Variants in ATG5 observed in about 807,000 individuals in gnomAD.
The protein encoded by ATG5 is autophagy protein 5.
In ATG5, 14 loss-of-function variants were observed where a neutral mutation model predicts 36.5. The ratio of observed to expected loss-of-function variants is 0.38; its 90% confidence interval spans 0.25 to 0.60. ATG5 has a LOEUF of 0.60. Among genes scored for constraint, ATG5 ranks in the 20% least tolerant of loss-of-function variants. The probability of loss-of-function intolerance (pLI) is 0.60; values close to 1 mark genes in which losing one functional copy is unlikely to be tolerated. For missense variants in ATG5, 195 were observed against 326.7 expected, an observed-to-expected ratio of 0.60 and a Z score of 3.11; for synonymous variants, 95 against 101.5, an observed-to-expected ratio of 0.94 and a Z score of 0.38.
At chr6:106,193,592 C>A (rs1776055916) in intron 7 of ATG5, among the ~76,000 whole-genome samples, 1 of 152,028 alleles carries the variant, frequency 6.6e-6, no homozygotes, top group Non-Finnish European at 1.5e-5. Context: ...AGCTTCCTGA[C>A]AATAAGATAA....
intron 5 of ATG5, among the ~76,000 whole-genome samples, chr6:106,264,254 G>T (rs535564957): frequency 6.6e-6 from 1 of 152,058 alleles, no homozygotes; most frequent in Admixed American, 6.5e-5. Context: ...AGAGATTGAA[G>T]ATCAACTTAC....
chr6:106,199,361 T>C (rs1332750425), intron 7 of ATG5, among the ~76,000 whole-genome samples: 1 of 152,206 alleles, frequency 6.6e-6, no homozygotes, highest in Non-Finnish European at 1.5e-5. Flanking sequence ...ATGTGATGTA[T>C]CTACCCAATG....
At chr6:106,248,660 G>A (rs1329718782) in intron 5 of ATG5, among the ~76,000 whole-genome samples, 1 of 152,194 alleles carries the variant, frequency 6.6e-6, no homozygotes, top group East Asian at 1.9e-4. Context: ...AAGTCGCAGG[G>A]TGCAGTGGCC....
intron 6 of ATG5, among the ~76,000 whole-genome samples, chr6:106,240,418 C>G (rs1053010333): frequency 6.7e-6 from 1 of 149,836 alleles, no homozygotes; most frequent in African/African-American, 2.4e-5. Flanking sequence ...AAAAGATAGG[C>G]AAAACAAAAT....
chr6:106,252,146 A>T (rs1391757135), intron 5 of ATG5, among the ~76,000 whole-genome samples: 1 of 152,188 alleles, frequency 6.6e-6, no homozygotes, highest in African/African-American at 2.4e-5. Context: ...AGCCAAACAA[A>T]ACAAAGACTA....
At chr6:106,188,545 G>A (rs989699940) in intron 7 of ATG5, among the ~76,000 whole-genome samples, 11 of 152,118 alleles carry the variant, frequency 7.2e-5, no homozygotes, top group Admixed American at 3.3e-4. Flanking sequence ...AATACAATAT[G>A]GTAAACAATC....
At chr6:106,241,856 G>A (rs1294432796) in intron 6 of ATG5, among the ~76,000 whole-genome samples, 2 of 152,032 alleles carry the variant, frequency 1.3e-5, no homozygotes, top group African/African-American at 4.8e-5. Context: ...GTAGGCTGCA[G>A]ACTCAAGGAA....
intron 6 of ATG5, among the ~76,000 whole-genome samples, chr6:106,244,728 C>T (rs569082404): frequency 3.3e-5 from 5 of 152,170 alleles, no homozygotes; most frequent in Non-Finnish European, 5.9e-5. Flanking sequence ...CACATAATAT[C>T]GATCATCAGT....
chr6:106,276,923 T>G (rs765911598), intron 5 of ATG5, among the ~76,000 whole-genome samples: 8 of 152,148 alleles, frequency 5.3e-5, no homozygotes, highest in Non-Finnish European at 1.0e-4. Context: ...AACTCAGTAA[T>G]AAAAATGTGG....
At chr6:106,192,975 T>C (rs537777818) in intron 7 of ATG5, among the ~76,000 whole-genome samples, 4 of 152,270 alleles carry the variant, frequency 2.6e-5, no homozygotes, top group Non-Finnish European at 4.4e-5. Context: ...ACGGAGGTAA[T>C]AGTCAGCGAG....
intron 7 of ATG5, among the ~76,000 whole-genome samples, chr6:106,194,508 ATG>A (rs1264501391): frequency 6.6e-6 from 1 of 152,008 alleles, no homozygotes; most frequent in African/African-American, 2.4e-5. Context: ...GGAGAAAAAA[ATG>A]TGAATATACC....
intron 7 of ATG5, among the ~76,000 whole-genome samples, chr6:106,193,713 T>C (rs1776061881): frequency 6.6e-6 from 1 of 152,216 alleles, no homozygotes; most frequent in Admixed American, 6.5e-5. Flanking sequence ...TAATTCTAGT[T>C]GGGTGTAATA....
At chr6:106,236,485 T>TA (rs1437846533) in intron 6 of ATG5, among the ~76,000 whole-genome samples, 5 of 152,232 alleles carry the variant, frequency 3.3e-5, no homozygotes, top group African/African-American at 1.2e-4. Context: ...ACAGCCTTTT[T>TA]ACTACTTTGT....
chr6:106,258,773 A>G (rs1778898443), intron 5 of ATG5, among the ~76,000 whole-genome samples: 1 of 152,234 alleles, frequency 6.6e-6, no homozygotes, highest in Non-Finnish European at 1.5e-5. Context: ...CTGGGAAACT[A>G]TTAATGAATG....
At chr6:106,250,861 A>G (rs1385388367) in intron 5 of ATG5, among the ~76,000 whole-genome samples, 1 of 152,242 alleles carries the variant, frequency 6.6e-6, no homozygotes, top group Non-Finnish European at 1.5e-5. Context: ...TTCACCCTTC[A>G]ATATATGCAT....
At chr6:106,319,744 A>G (rs1198399224) in intron 1 of ATG5, among the ~76,000 whole-genome samples, 1 of 152,210 alleles carries the variant, frequency 6.6e-6, no homozygotes, top group Non-Finnish European at 1.5e-5. Flanking sequence ...GCAGACTGTA[A>G]TAGATTCCGT....
In ATG5 at chr6:106,278,727, T is replaced by C. The variant is rs192214620; in HGVS notation, c.478+934A>G. Reference sequence around the variant, plus strand: ...CCAATTCCCTTTTTTCAATTATCCATTTTTATAAAATGTTACATGGGCTTA... The same window carrying C: ...CCAATTCCCTTTTTTCAATTATCCACTTTTATAAAATGTTACATGGGCTTA... On this transcript the variant is annotated intron_variant, in intron 5 of 7. Transcript: ENST00000369076. 3.0e-3 allele frequency among the ~76,000 whole-genome samples: 457 copies of C among 152,334 alleles called. 1 individual carries two copies. The highest frequency in any genetic ancestry group is 4.9e-3 in the Non-Finnish European group (330 of 68,038).
chr6:106,275,881 T>C (rs1037517563), intron 5 of ATG5, among the ~76,000 whole-genome samples: 2 of 152,204 alleles, frequency 1.3e-5, no homozygotes, highest in African/African-American at 2.4e-5. Flanking sequence ...GTGGGCCACA[T>C]AGTCTCCTCA....
At chr6:106,281,842 T>C (rs1392959392) in intron 4 of ATG5, among the ~76,000 whole-genome samples, 2 of 152,206 alleles carry the variant, frequency 1.3e-5, no homozygotes, top group African/African-American at 4.8e-5. Context: ...CTTGCTACTG[T>C]CAATCTTTTT....
Sources: gnomAD v4.1 joint callset for allele counts (sites outside exome capture counted in the v4.1 genomes callset) on GRCh38, gnomAD v4.1.1 for gene constraint, MANE v1.5 for transcripts, NCBI Gene and HGNC (gene_info 2026-07-23, HGNC 2026-07-21) for gene names.